OARD1: variants seen among roughly 807,000 people sequenced by gnomAD.
OARD1 encodes ADP-ribose glycohydrolase OARD1.
Under a neutral mutation model 19.7 loss-of-function variants are expected in OARD1, and 19 were observed. The observed-to-expected ratio is 0.96, with a 90% CI of 0.67 to 1.41. The LOEUF (loss-of-function observed/expected upper bound fraction) is 1.41, where lower values mean the gene tolerates loss of function less well. Ranked by LOEUF, OARD1 falls within the 40% of genes most tolerant of loss-of-function variation. The pLI, the probability that OARD1 is intolerant of heterozygous loss-of-function variation, is 0.00. For missense variants in OARD1, 190 were observed against 183.8 expected (o/e 1.03, Z -0.20); for synonymous variants, 70 against 61.8 (o/e 1.13, Z -0.62).
At chr6:41,087,877 A>T (rs1473647422) in intron 1 of OARD1, among the ~76,000 whole-genome samples, 2 of 151,996 alleles carry the variant, frequency 1.3e-5, no homozygotes, top group East Asian at 1.9e-4. Flanking sequence ...TATAGCCATT[A>T]AAAAAAAGAA....
chr6:41,076,822 TCA>T (rs1266913123), upstream of OARD1, among the ~76,000 whole-genome samples: 2 of 152,226 alleles, frequency 1.3e-5, no homozygotes, highest in African/African-American at 4.8e-5. Flanking sequence ...TAACTGAAGC[TCA>T]CAGTAGTAGG....
At chr6:41,078,523 C>A (rs927318927) in intron 1 of OARD1, among the ~76,000 whole-genome samples, 1 of 152,116 alleles carries the variant, frequency 6.6e-6, no homozygotes, top group Admixed American at 6.5e-5. Context: ...ATTAAAGGTT[C>A]TCAGATATCA....
At chr6:41,079,167 A>G (rs1227410967) in intron 1 of OARD1, 1 of 1,614,122 alleles carries the variant, frequency 6.2e-7, no homozygotes, top group Non-Finnish European at 8.5e-7. Flanking sequence ...AGCAGCAGGT[A>G]TGGAAGCAAA....
chr6:41,093,775 A>G (rs1487161182), intron 1 of OARD1, among the ~76,000 whole-genome samples: 1 of 152,174 alleles, frequency 6.6e-6, no homozygotes, highest in African/African-American at 2.4e-5. Context: ...CCGGCCAGGT[A>G]CCCTTTCTTT....
At position 41,097,560 on chromosome 6, in the gene OARD1, C is replaced by A. The variant is rs558642478; in HGVS notation, c.-42+153G>T. On this transcript the variant is annotated intron_variant, in intron 1 of 4. Coordinates refer to the OARD1 transcript ENST00000480585. ...GTTTTTAATAAGTGGCTCAGTATTA[C>A]AATTGCAGCGATGCCTGGCAAATTG... The A allele has an allele frequency of 3.8e-5, 28 of 731,940 alleles. No homozygotes were observed. The Admixed American group carries it at 5.8e-4, about 15-fold the overall frequency. The allele number at this position is 731,940 out of a possible 1,614,324, so 45.3% of individuals were successfully genotyped here.
At chr6:41,087,629 G>A (rs909071567) in intron 1 of OARD1, among the ~76,000 whole-genome samples, 4 of 152,122 alleles carry the variant, frequency 2.6e-5, no homozygotes, top group Non-Finnish European at 5.9e-5. Context: ...ATGTATTCTG[G>A]CTTTTAAGTT....
chr6:41,074,623 G>C (rs910234534), upstream of OARD1, among the ~76,000 whole-genome samples: 2 of 152,236 alleles, frequency 1.3e-5, no homozygotes, highest in Non-Finnish European at 2.9e-5. Context: ...TTGGAGGCAG[G>C]AAGATGGGAT....
intron 1 of OARD1, among the ~76,000 whole-genome samples, chr6:41,085,088 TAGGA>T: frequency 6.6e-6 from 1 of 152,310 alleles, no homozygotes; most frequent in South Asian, 2.1e-4. Flanking sequence ...TATCCACTGT[TAGGA>T]TGGATGTGGA....
chr6:41,084,588 TAAGCAG>T (rs1763990730), intron 1 of OARD1, among the ~76,000 whole-genome samples: 1 of 152,246 alleles, frequency 6.6e-6, no homozygotes, highest in African/African-American at 2.4e-5. Flanking sequence ...CTAGATTGTT[TAAGCAG>T]ACCAATAAAA....
intron 5 of OARD1, 95 bp downstream of exon 5, chr6:41,068,746 A>G (rs1315508608): frequency 1.4e-6 from 1 of 706,526 alleles, no homozygotes; most frequent in African/African-American, 1.8e-5. Context: ...TTAAATCTAT[A>G]TTTTGGGTTA....
At position 41,089,775 on chromosome 6, in the gene OARD1, G is replaced by A. The variant is rs549832007; in HGVS notation, c.-42+7938C>T. The A allele has an allele frequency of 2.9e-5, 46 of 1,574,000 alleles. No homozygotes were observed. The African/African-American group carries it at 5.7e-4, about 19-fold the overall frequency. On this transcript the variant is annotated intron_variant, in intron 1 of 4. Transcript: ENST00000480585. ...TTGGAAGAGTCAGATAACTGAGTCA[G>A]ATATTTCATGTATAGCATGTATAGT...
rs774383017 is a variant in OARD1 at position 41,067,453 on chromosome 6, T to C, written c.357-16A>G. The C allele has an allele frequency of 2.0e-5, 31 of 1,547,184 alleles. No individual in the cohort carries two copies. The highest frequency in any genetic ancestry group is 2.6e-5 in the Non-Finnish European group (29 of 1,119,864). On this transcript the variant is annotated splice_polypyrimidine_tract_variant and intron_variant, in intron 5 of 5. Coordinates refer to ENST00000424266, the MANE Select transcript of OARD1 (RefSeq NM_001329686.2). ...ACATCCAATCCTGAAAAAGACAAAA[T>C]ATCTCCATTGATGGTAACGAAAGTA...
upstream of OARD1, among the ~76,000 whole-genome samples, chr6:41,076,596 A>G (rs1018569496): frequency 6.6e-6 from 1 of 152,218 alleles, no homozygotes. Flanking sequence ...ATAGTGGGGC[A>G]AAGAGAATTG....
At position 41,071,192 on chromosome 6, in the gene OARD1, C is replaced by A. The variant is rs140170083; in HGVS notation, c.124G>T (p.Ala42Ser). 1.9e-6 allele frequency: 3 copies of A among 1,614,164 alleles called. No homozygotes were observed. The highest frequency in any genetic ancestry group is 2.5e-6 in the Non-Finnish European group (3 of 1,179,988). ...TTCTTAAAGAGGACAGCTATCCCAGCGCCCATGCGACAATCCTCACTGATA... is the reference window on the plus strand; with the variant it reads ...TTCTTAAAGAGGACAGCTATCCCAGAGCCCATGCGACAATCCTCACTGATA... The part of the protein sequence containing the change: ...HCISEDCRMG[A>S]GIAVLFKKKF... Residue 42 changes from alanine (A) to serine (S), a missense_variant, in exon 3 of 6, where the codon GCT becomes TCT. Ala to Ser is a moderately conservative substitution (Grantham distance 99, BLOSUM62 1). Transcript: ENST00000424266.
chr6:41,085,343 T>A (rs1381781668), intron 1 of OARD1, among the ~76,000 whole-genome samples: 1 of 152,224 alleles, frequency 6.6e-6, no homozygotes, highest in Non-Finnish European at 1.5e-5. Context: ...AGGAAATGGT[T>A]GGAATAAATC....
intron 1 of OARD1, among the ~76,000 whole-genome samples, chr6:41,085,749 T>G (rs1220538758): frequency 2.1e-5 from 3 of 140,112 alleles, no homozygotes; most frequent in African/African-American, 9.2e-5. Flanking sequence ...GGGTTGTGTT[T>G]TCATTTTTTT....
chr6:41,071,858 G>T (rs1488268281), intron 1 of OARD1, 183 bp from the exon 2 acceptor site: 2 of 538,348 alleles, frequency 3.7e-6, no homozygotes, highest in Middle Eastern at 4.9e-4. Context: ...GCTTAGGTTC[G>T]GAGGCTGTCT....
At chr6:41,071,006 G>T in intron 3 of OARD1, 126 bp downstream of exon 3, 1 of 994,774 alleles carries the variant, frequency 1.0e-6, no homozygotes, top group Non-Finnish European at 1.6e-6. Flanking sequence ...CCATTCTTGG[G>T]GAGGAAAATC....
intron 1 of OARD1, among the ~76,000 whole-genome samples, chr6:41,096,595 C>T (rs1764362796): frequency 6.6e-6 from 1 of 152,206 alleles, no homozygotes; most frequent in Admixed American, 6.5e-5. Flanking sequence ...GTTCAAGACC[C>T]AGTTCCAGTC....
Sources: allele counts gnomAD v4.1 joint callset (sites outside exome capture counted in the v4.1 genomes callset), GRCh38; gene constraint gnomAD v4.1.1; transcripts MANE v1.5; gene names NCBI Gene and HGNC (gene_info 2026-07-23, HGNC 2026-07-21).